The following SMARCA2 variants were observed in gnomAD, a reference collection of about 807,000 sequenced individuals.
SMARCA2 encodes SWI/SNF-related matrix-associated actin-dependent regulator of chromatin subfamily A member 2.
In SMARCA2, 61 loss-of-function variants were observed where a neutral mutation model predicts 199.8. The ratio of observed to expected loss-of-function variants is 0.31; its 90% CI spans 0.25 to 0.38. The LOEUF is 0.38. Ranked by LOEUF, SMARCA2 falls within the 10% of genes least tolerant of loss-of-function variation. SMARCA2 has a pLI of 1.00. For synonymous variants in SMARCA2, 935 were observed against 732.0 expected (o/e 1.28, Z -4.48); for missense variants, 1,344 against 2,012.2 (o/e 0.67, Z 6.35).
At chr9:2,118,083 T>C (rs569481216) in intron 25 of SMARCA2, among the ~76,000 whole-genome samples, 11 of 152,294 alleles carry the variant, frequency 7.2e-5, no homozygotes, top group Non-Finnish European at 1.6e-4. Flanking sequence ...ATCTTGGGCA[T>C]GGGGTTGTCT....
At chr9:2,183,986 G>C (rs1306072288) in intron 31 of SMARCA2, among the ~76,000 whole-genome samples, 5 of 152,102 alleles carry the variant, frequency 3.3e-5, no homozygotes, top group Non-Finnish European at 7.4e-5. Context: ...GTGGCCTCTT[G>C]ACTGGTTTCT....
At chr9:2,058,657 G>A (rs1485288858) in intron 8 of SMARCA2, among the ~76,000 whole-genome samples, 193 bp downstream of exon 8, 1 of 152,182 alleles carries the variant, frequency 6.6e-6, no homozygotes, top group African/African-American at 2.4e-5. Context: ...CAAAAATCTA[G>A]GGGGATGACT....
intron 29 of SMARCA2, among the ~76,000 whole-genome samples, chr9:2,178,814 G>A (rs535299581): frequency 2.4e-4 from 36 of 152,148 alleles, no homozygotes; most frequent in Non-Finnish European, 5.0e-4. Flanking sequence ...TAATGTGGAA[G>A]CTAGGTACTG....
chr9:2,052,445 C>T (rs910969528), intron 5 of SMARCA2, among the ~76,000 whole-genome samples: 7 of 152,212 alleles, frequency 4.6e-5, no homozygotes, highest in African/African-American at 1.7e-4. Flanking sequence ...CACTGCACTC[C>T]AGCCTGGCCG....
At chr9:2,168,011 G>A (rs1395888022) in intron 28 of SMARCA2, among the ~76,000 whole-genome samples, 1 of 151,106 alleles carries the variant, frequency 6.6e-6, no homozygotes, top group East Asian at 1.9e-4. Flanking sequence ...TTTACCTGGG[G>A]AAATGAGCTT....
At chr9:2,057,502 A>G (rs1420426321) in intron 7 of SMARCA2, among the ~76,000 whole-genome samples, 1 of 152,236 alleles carries the variant, frequency 6.6e-6, no homozygotes, top group Non-Finnish European at 1.5e-5. Flanking sequence ...ATGGGTGGGC[A>G]TAGGTGGATT....
intron 9 of SMARCA2, among the ~76,000 whole-genome samples, chr9:2,066,897 G>C (rs978113722): frequency 6.6e-6 from 1 of 152,092 alleles, no homozygotes; most frequent in African/African-American, 2.4e-5. Context: ...CAAACTCTTG[G>C]GTGTTAATTT....
chr9:2,124,939 G>C (rs918933031), intron 27 of SMARCA2, among the ~76,000 whole-genome samples: 2 of 152,096 alleles, frequency 1.3e-5, no homozygotes, highest in African/African-American at 4.8e-5. Flanking sequence ...AGTGTAGTTG[G>C]GTAAAAACCA....
intron 19 of SMARCA2, among the ~76,000 whole-genome samples, chr9:2,094,270 G>T (rs1461046326): frequency 5.9e-5 from 9 of 152,188 alleles, no homozygotes; most frequent in African/African-American, 2.2e-4. Context: ...AAGAGACTCT[G>T]CCTTCTAAGA....
intron 9 of SMARCA2, chr9:2,069,201 C>G (rs1187062170): frequency 1.3e-5 from 2 of 151,882 alleles, no homozygotes; most frequent in African/African-American, 4.8e-5. Context: ...CAGGCCTGAG[C>G]CACCGCACCC....
chr9:2,179,497 C>T (rs916787018), intron 29 of SMARCA2, among the ~76,000 whole-genome samples: 1 of 152,160 alleles, frequency 6.6e-6, no homozygotes, highest in Non-Finnish European at 1.5e-5. Flanking sequence ...TCAGAGCATT[C>T]AGCTCTCTTC....
At chr9:2,171,515 A>G (rs1278039746) in intron 29 of SMARCA2, among the ~76,000 whole-genome samples, 1 of 152,192 alleles carries the variant, frequency 6.6e-6, no homozygotes, top group Non-Finnish European at 1.5e-5. Context: ...AAGATTGTCA[A>G]TTTTTGATAT....
At chr9:2,186,866 C>G (rs1282726344) in intron 32 of SMARCA2, among the ~76,000 whole-genome samples, 2 of 148,402 alleles carry the variant, frequency 1.3e-5, no homozygotes, top group Non-Finnish European at 3.0e-5. Context: ...TATTAGCCTA[C>G]TACACATTTT....
At chr9:2,138,377 A>T (rs1045169419) in intron 27 of SMARCA2, among the ~76,000 whole-genome samples, 3 of 152,150 alleles carry the variant, frequency 2.0e-5, no homozygotes, top group African/African-American at 7.2e-5. Context: ...CCTTTCCTTG[A>T]GGCAAAACTT....
At chr9:2,160,342 G>A (rs1443068433) in intron 27 of SMARCA2, 1 of 489,244 alleles carries the variant, frequency 2.0e-6, no homozygotes, top group African/African-American at 1.9e-5. Flanking sequence ...GGCTCAGACT[G>A]TCCCTTAGGA....
rs1279930354 is a variant in SMARCA2 at position 2,110,476 on chromosome 9, C to G, written c.3456+59C>G. The stretch of plus-strand genomic sequence containing the variant: ...CTCTGGAGAGCAACTAAAAGATGAT[C>G]AGTTTCATTATTCACATTTACAGGA... On this transcript the variant is annotated intron_variant, in intron 24 of 33. Coordinates refer to ENST00000349721, the MANE Select transcript of SMARCA2 (RefSeq NM_003070.5). This position sits in a 1 kb window ranked among gnomAD's most constrained non-coding sequence, Gnocchi z 4.8. The G allele has an allele frequency of 1.0e-5, 14 of 1,359,678 alleles. No individual in the cohort carries two copies. In the South Asian group the frequency reaches 1.6e-4, roughly 15 times the overall value. The allele number at this position is 1,359,678 out of a possible 1,614,324, so 84.2% of individuals were successfully genotyped here.
At chr9:2,088,389 G>A in intron 18 of SMARCA2, 111 bp from the exon 19 acceptor site, 1 of 1,256,872 alleles carries the variant, frequency 8.0e-7, no homozygotes, top group South Asian at 1.8e-5. Flanking sequence ...TGGCTTTAAT[G>A]CATGTAAAAT....
chr9:2,178,456 G>C (rs1164567414), intron 29 of SMARCA2, among the ~76,000 whole-genome samples: 1 of 152,106 alleles, frequency 6.6e-6, no homozygotes, highest in East Asian at 1.9e-4. Context: ...TGTGTAAAAT[G>C]ACATAATGGA....
At chr9:2,063,446 G>A (rs1024110291) in intron 9 of SMARCA2, among the ~76,000 whole-genome samples, 2 of 152,148 alleles carry the variant, frequency 1.3e-5, no homozygotes, top group African/African-American at 4.8e-5. Flanking sequence ...GTGTCTATGA[G>A]CATAAAAATC....
Sources: gnomAD v4.1 joint callset for allele counts (sites outside exome capture counted in the v4.1 genomes callset) on GRCh38, gnomAD v4.1.1 for gene constraint, Gnocchi (gnomAD v3.1) non-coding constraint, MANE v1.5 for transcripts, NCBI Gene and HGNC (gene_info 2026-07-23, HGNC 2026-07-21) for gene names.